SLC28A1: variants seen among roughly 807,000 people sequenced by gnomAD.
The protein encoded by SLC28A1 is sodium/nucleoside cotransporter 1.
SLC28A1 carries 64 observed loss-of-function variants against 74.8 expected under a neutral mutation model. That is an observed-to-expected ratio of 0.86 (90% CI 0.70 to 1.05). SLC28A1 has a LOEUF of 1.05. Ranked by LOEUF, SLC28A1 falls within the 50% of genes least tolerant of loss-of-function variation. The pLI is 0.00. For missense variants in SLC28A1, 828 were observed against 822.8 expected, an observed-to-expected ratio of 1.01 and a Z score of -0.08; for synonymous variants, 359 against 335.0, an observed-to-expected ratio of 1.07 and a Z score of -0.78.
Position 84,911,271 on chromosome 15 carries a change from C to T in SLC28A1, c.795+2476C>T, listed in dbSNP as rs146530458. 6.8e-4 allele frequency among the ~76,000 whole-genome samples: 103 copies of T among 152,336 alleles called. 1 individual carries two copies. Among genetic ancestry groups the T allele is most frequent in the African/African-American group, 2.5e-3 (102 of 41,576 alleles). On this transcript the variant is annotated intron_variant, in intron 9 of 18. Coordinates refer to ENST00000394573, the MANE Select transcript of SLC28A1 (RefSeq NM_004213.5). ...ATGTGTACACACCTGCTGCTTGCATCTCTCCCTGAATCACCCTTTAGAATC... is the reference window on the plus strand; with the variant it reads ...ATGTGTACACACCTGCTGCTTGCATTTCTCCCTGAATCACCCTTTAGAATC...
rs181016132 is a variant in SLC28A1 at position 84,923,460 on chromosome 15, C to T, written c.958-525C>T. ...ATAACAGTGCCTGGAACACAGTAGG[C>T]GCTCAACAACTAGATACTGAATGAG... On this transcript the variant is annotated intron_variant, in intron 11 of 18. Transcript: ENST00000394573. Among the ~76,000 whole-genome samples the T allele has an allele frequency of 6.1e-3, 932 of 152,216 alleles. 10 individuals carry two copies. The highest frequency in any genetic ancestry group is 0.02 in the Middle Eastern group (6 of 294).
chr15:84,964,270 G>A, the SLC28A1 span, among the ~76,000 whole-genome samples: 1 of 152,086 alleles, frequency 6.6e-6, no homozygotes, highest in Non-Finnish European at 1.5e-5. Context: ...ATAAGGGCAT[G>A]GGAAGGAAGG....
At chr15:84,909,314 C>A (rs1373315945) in intron 9 of SLC28A1, among the ~76,000 whole-genome samples, 1 of 152,240 alleles carries the variant, frequency 6.6e-6, no homozygotes, top group Admixed American at 6.5e-5. Context: ...ACCTCCTCAA[C>A]CTACGATCCC....
In SLC28A1 at chr15:84,918,620, C is replaced by T. The variant is rs8187763; in HGVS notation, c.876+16C>T. 189,625 of 1,584,106 alleles carry T rather than the reference C, an allele frequency of 0.12. 12,604 individuals carry two copies. Among genetic ancestry groups the T allele is most frequent in the Non-Finnish European group, 0.14 (158,221 of 1,153,000 alleles). Reference sequence around the variant, plus strand: ...GATCCTGAAGGTAAGTTCCCAGTGCCCATGGCCAGGGCTCTCCCAGAGTCA... The same window carrying T: ...GATCCTGAAGGTAAGTTCCCAGTGCTCATGGCCAGGGCTCTCCCAGAGTCA... On this transcript the variant is annotated intron_variant, in intron 10 of 18. Transcript: ENST00000394573.
intron 5 of SLC28A1, among the ~76,000 whole-genome samples, chr15:84,894,665 C>A (rs1490325384): frequency 6.6e-6 from 1 of 152,222 alleles, no homozygotes; most frequent in East Asian, 1.9e-4. Context: ...TGTTTGGCTT[C>A]ACGGCCTCCT....
chr15:84,898,248 T>C (rs746979447), intron 6 of SLC28A1, among the ~76,000 whole-genome samples: 3 of 152,156 alleles, frequency 2.0e-5, no homozygotes, highest in Non-Finnish European at 2.9e-5. Context: ...GCAAATTGTA[T>C]GACATGTAAA....
chr15:84,889,245 A>G (rs1964987864), intron 4 of SLC28A1, among the ~76,000 whole-genome samples: 1 of 152,180 alleles, frequency 6.6e-6, no homozygotes, highest in Non-Finnish European at 1.5e-5. Context: ...CTGATTTTAC[A>G]CAGGGAGGTA....
chr15:84,961,583 C>T, the SLC28A1 span: 1 of 445,142 alleles, frequency 2.2e-6, no homozygotes, highest in South Asian at 1.6e-5. Context: ...TTAAATGATC[C>T]TACTGCCTTG....
downstream of SLC28A1, among the ~76,000 whole-genome samples, chr15:84,948,252 A>G (rs998877800): frequency 6.6e-6 from 1 of 152,186 alleles, no homozygotes; most frequent in African/African-American, 2.4e-5. Flanking sequence ...CACATGAAGA[A>G]TATCATCTGC....
chr15:84,926,062 T>G (rs1970473514), intron 12 of SLC28A1, among the ~76,000 whole-genome samples: 1 of 147,334 alleles, frequency 6.8e-6, no homozygotes, highest in Non-Finnish European at 1.5e-5. Flanking sequence ...TTTTATTTTA[T>G]TCTATATATA....
chr15:84,915,237 C>T (rs535995185), intron 9 of SLC28A1, among the ~76,000 whole-genome samples: 31 of 152,314 alleles, frequency 2.0e-4, no homozygotes, highest in Middle Eastern at 6.8e-3. Context: ...ACTTCCCCAC[C>T]ACAGGGAAGT....
At chr15:84,908,178 C>CTTTTTTTTTTTTTTTTTTTTTT (rs71135328) in intron 8 of SLC28A1, among the ~76,000 whole-genome samples, 1 of 91,358 alleles carries the variant, frequency 1.1e-5, no homozygotes, top group Non-Finnish European at 1.9e-5. Context: ...CAGAGCATTT[C>CTTTTTTTTTTTTTTTTTTTTTT]TTTTTTTTTT....
At chr15:84,972,714 A>T in the SLC28A1 span, among the ~76,000 whole-genome samples, 22 of 152,242 alleles carry the variant, frequency 1.4e-4, no homozygotes, top group Non-Finnish European at 1.5e-5. Flanking sequence ...CTTTCAAGAC[A>T]TTCTCCAATT....
At chr15:84,910,291 G>C (rs1030375039) in intron 9 of SLC28A1, among the ~76,000 whole-genome samples, 3 of 152,198 alleles carry the variant, frequency 2.0e-5, no homozygotes, top group South Asian at 2.1e-4. Flanking sequence ...TATTCCTTTA[G>C]GGTAACGAGC....
intron 12 of SLC28A1, among the ~76,000 whole-genome samples, chr15:84,927,467 A>G (rs1297368323): frequency 6.6e-6 from 1 of 152,096 alleles, no homozygotes. Context: ...AAAAACAGCA[A>G]AGCCTGTCTG....
intron 15 of SLC28A1, chr15:84,938,461 G>C (rs1463097818): frequency 4.6e-5 from 7 of 152,062 alleles, no homozygotes; most frequent in Admixed American, 2.0e-4. Flanking sequence ...CCTTGCACAG[G>C]GGCCGTGCTA....
chr15:84,909,902 C>T (rs1224992588), intron 9 of SLC28A1, among the ~76,000 whole-genome samples: 1 of 152,240 alleles, frequency 6.6e-6, no homozygotes, highest in African/African-American at 2.4e-5. Flanking sequence ...GCCACTGTTC[C>T]CAGAGTCTCC....
chr15:84,917,557 T>A (rs1969288952), intron 9 of SLC28A1, among the ~76,000 whole-genome samples: 1 of 151,436 alleles, frequency 6.6e-6, no homozygotes, highest in African/African-American at 2.5e-5. Flanking sequence ...TATAGACATG[T>A]GCCATCATGC....
rs1200042713 is a variant in SLC28A1 at position 84,928,527 on chromosome 15, GTTCTTTCTTTCTTTCTTTCT to G, written c.1083+4476_1083+4495del. 4.1e-3 allele frequency among the ~76,000 whole-genome samples: 192 copies of G among 47,234 alleles called. 46 individuals carry two copies. The highest frequency in any genetic ancestry group is 5.2e-3 in the Non-Finnish European group (135 of 25,930). 31.0% of individuals were successfully genotyped at this position (47,234 alleles called of 152,430 possible). ...TTCCTTCAAGCTCCCAGGTTCGTTC[GTTCTTTCTTTCTTTCTTTCT>G]TTCTTTCTTTCTTTCTTTCTTTCTT... On this transcript the variant is annotated intron_variant, in intron 12 of 18. Transcript: ENST00000394573.
Sources: allele counts gnomAD v4.1 joint callset (sites outside exome capture counted in the v4.1 genomes callset), GRCh38; gene constraint gnomAD v4.1.1; transcripts MANE v1.5; gene names NCBI Gene and HGNC (gene_info 2026-07-23, HGNC 2026-07-21).